The following RPTOR variants were observed in gnomAD, a reference collection of about 807,000 sequenced individuals.
RPTOR encodes regulatory-associated protein of mTOR.
RPTOR carries 21 observed loss-of-function variants against 169.9 expected under a neutral mutation model. The ratio of observed to expected loss-of-function variants is 0.12; its 90% CI spans 0.09 to 0.18. RPTOR has a LOEUF of 0.18. Among genes scored for constraint, RPTOR ranks in the 10% least tolerant of loss-of-function variants. The pLI, the probability that RPTOR is intolerant of heterozygous loss-of-function variation, is 1.00. For missense variants in RPTOR, 1,133 were observed against 1,855.9 expected (o/e 0.61, Z 7.16); for synonymous variants, 732 against 753.2 (o/e 0.97, Z 0.46).
chr17:80,552,605 A>T (rs2084359059), intron 1 of RPTOR, among the ~76,000 whole-genome samples: 1 of 152,262 alleles, frequency 6.6e-6, no homozygotes, highest in Admixed American at 6.5e-5. Flanking sequence ...ACAAAACTAT[A>T]CTGATACAAA....
chr17:80,656,877 T>C (rs1210536629), intron 3 of RPTOR, among the ~76,000 whole-genome samples: 1 of 152,168 alleles, frequency 6.6e-6, no homozygotes, highest in Non-Finnish European at 1.5e-5. Flanking sequence ...AACACTTGTA[T>C]TGAGTGGCAG....
At position 80,659,271 on chromosome 17, in the gene RPTOR, A is replaced by G. The variant is rs1442673897; in HGVS notation, c.348+15461A>G. Among the ~76,000 whole-genome samples the G allele has an allele frequency of 6.6e-6, 1 of 151,800 alleles. No individual in the cohort carries two copies. The highest frequency in any genetic ancestry group is 2.4e-5 in the African/African-American group (1 of 41,378). Reference sequence around the variant, plus strand: ...ATGGCTCCGAGGGGGAAGTGGGCTCAGAAGAGTGGGCTTCTGATCTGAATC... The same window carrying G: ...ATGGCTCCGAGGGGGAAGTGGGCTCGGAAGAGTGGGCTTCTGATCTGAATC... On this transcript the variant is annotated intron_variant, in intron 3 of 33. Transcript: ENST00000306801. This position sits in a 1 kb window ranked among gnomAD's most constrained non-coding sequence, Gnocchi z 4.3.
chr17:80,902,673 G>A (rs933260547), intron 20 of RPTOR, among the ~76,000 whole-genome samples: 1 of 152,216 alleles, frequency 6.6e-6, no homozygotes, highest in African/African-American at 2.4e-5. Context: ...GGCTGGAGAC[G>A]GTCTGTGGCC....
chr17:80,734,305 C>T (rs891399607), intron 5 of RPTOR, among the ~76,000 whole-genome samples: 3 of 152,216 alleles, frequency 2.0e-5, no homozygotes, highest in Admixed American at 2.0e-4. Flanking sequence ...CTCAGCCGAT[C>T]GTGCCTGTGG....
intron 5 of RPTOR, among the ~76,000 whole-genome samples, chr17:80,741,844 T>A (rs375858183): frequency 6.6e-6 from 1 of 151,902 alleles, no homozygotes; most frequent in South Asian, 2.1e-4. Context: ...CGGTGGTGTG[T>A]GTAGAGTCTG....
chr17:80,880,007 A>T (rs935674668), intron 13 of RPTOR, among the ~76,000 whole-genome samples: 1 of 152,224 alleles, frequency 6.6e-6, no homozygotes, highest in Non-Finnish European at 1.5e-5. Flanking sequence ...AACCCCCAAG[A>T]AAAGCTTGAG....
intron 17 of RPTOR, among the ~76,000 whole-genome samples, chr17:80,887,294 C>CG (rs1208666960): frequency 9.0e-6 from 1 of 111,248 alleles, no homozygotes; most frequent in Admixed American, 1.3e-4. Context: ...GGTGCCACCT[C>CG]GGGGGGTGCG....
At chr17:80,634,150 C>T (rs1310706393) in intron 2 of RPTOR, among the ~76,000 whole-genome samples, 7 of 137,734 alleles carry the variant, frequency 5.1e-5, no homozygotes, top group East Asian at 2.2e-4. Flanking sequence ...TGTGCGTGTG[C>T]GTACTGTGTG....
intron 10 of RPTOR, among the ~76,000 whole-genome samples, chr17:80,840,119 A>G (rs888320702): frequency 6.6e-6 from 1 of 152,196 alleles, no homozygotes; most frequent in African/African-American, 2.4e-5. Context: ...AATCACACCC[A>G]AATCAAGCAG....
intron 13 of RPTOR, among the ~76,000 whole-genome samples, chr17:80,873,744 T>G (rs2068075941): frequency 6.6e-6 from 1 of 152,214 alleles, no homozygotes; most frequent in Non-Finnish European, 1.5e-5. Flanking sequence ...CAGAGATGTT[T>G]CTCAGTCACC....
chr17:80,912,927 TGGA>T (rs900353256), intron 21 of RPTOR, among the ~76,000 whole-genome samples: 2 of 151,452 alleles, frequency 1.3e-5, no homozygotes, highest in African/African-American at 4.9e-5. Flanking sequence ...GCCAGAGGGG[TGGA>T]GAAGGTCAAG....
chr17:80,767,190 T>C (rs748980954), intron 6 of RPTOR, among the ~76,000 whole-genome samples: 1 of 152,062 alleles, frequency 6.6e-6, no homozygotes, highest in Non-Finnish European at 1.5e-5. Flanking sequence ...CTGGGCAACA[T>C]AGCAAAACCC....
intron 20 of RPTOR, among the ~76,000 whole-genome samples, chr17:80,894,785 T>A (rs150532043): frequency 1.1e-3 from 167 of 152,234 alleles, no homozygotes; most frequent in Non-Finnish European, 1.7e-3. Context: ...GTGTGTGTTG[T>A]GTTCCCAGCT....
At chr17:80,732,713 T>C (rs2066402781) in intron 5 of RPTOR, among the ~76,000 whole-genome samples, 1 of 152,262 alleles carries the variant, frequency 6.6e-6, no homozygotes, top group Non-Finnish European at 1.5e-5. Flanking sequence ...CTTGGTCTCT[T>C]ATAAAAACAG....
chr17:80,900,444 G>C (rs1257719965), intron 20 of RPTOR, among the ~76,000 whole-genome samples: 1 of 152,064 alleles, frequency 6.6e-6, no homozygotes, highest in Non-Finnish European at 1.5e-5. Flanking sequence ...AGCCTCCCAA[G>C]TAGCTGGGAT....
intron 1 of RPTOR, among the ~76,000 whole-genome samples, chr17:80,610,208 C>G: frequency 6.6e-6 from 1 of 152,104 alleles, no homozygotes; most frequent in Non-Finnish European, 1.5e-5. Flanking sequence ...TCCCTCCTTG[C>G]ATTTGTTCAT....
chr17:80,830,647 T>G (rs952933036), intron 9 of RPTOR, among the ~76,000 whole-genome samples: 5 of 152,172 alleles, frequency 3.3e-5, no homozygotes, highest in Non-Finnish European at 5.9e-5. Flanking sequence ...GCAGGTGCGC[T>G]GCTCCAGTGG....
intron 20 of RPTOR, among the ~76,000 whole-genome samples, chr17:80,907,061 C>T (rs2068552502): frequency 6.6e-6 from 1 of 152,162 alleles, no homozygotes; most frequent in Non-Finnish European, 1.5e-5. Flanking sequence ...CATTGACTTT[C>T]GCACCCGCCT....
At chr17:80,563,819 TGTGCCCCCAGTC>T (rs2084535598) in intron 1 of RPTOR, among the ~76,000 whole-genome samples, 1 of 152,128 alleles carries the variant, frequency 6.6e-6, no homozygotes, top group African/African-American at 2.4e-5. Context: ...GAAGATCCTC[TGTGCCCCCAGTC>T]GTGCCCACCC....
Sources: allele counts gnomAD v4.1 joint callset (sites outside exome capture counted in the v4.1 genomes callset), GRCh38; gene constraint gnomAD v4.1.1; non-coding constraint Gnocchi (gnomAD v3.1); transcripts MANE v1.5; gene names NCBI Gene and HGNC (gene_info 2026-07-23, HGNC 2026-07-21).